The following CLDN14 variants were observed in gnomAD, a reference collection of about 807,000 sequenced individuals.
CLDN14 encodes claudin-14.
Under a neutral mutation model 2.1 loss-of-function variants are expected in CLDN14, and 2 were observed. The ratio of observed to expected loss-of-function variants is 0.96; its 90% CI spans 0.39 to 3.01. The LOEUF (loss-of-function observed/expected upper bound fraction) is 3.01, where lower values mean the gene tolerates loss of function less well. Ranked by LOEUF, CLDN14 falls within the 30% of genes most tolerant of loss-of-function variation. The probability of loss-of-function intolerance (pLI) is 0.09; values close to 1 mark genes in which losing one functional copy is unlikely to be tolerated. For synonymous variants in CLDN14, 136 were observed against 154.4 expected, an observed-to-expected ratio of 0.88 and a Z score of 0.88; for missense variants, 298 against 328.0, an observed-to-expected ratio of 0.91 and a Z score of 0.71.
At chr21:36,554,381 T>A (rs399522) in intron 1 of CLDN14, among the ~76,000 whole-genome samples, 1 of 151,970 alleles carries the variant, frequency 6.6e-6, no homozygotes, top group Non-Finnish European at 1.5e-5. Context: ...AAGAAGGGCT[T>A]GTCCAGGTAC....
intron 2 of CLDN14, among the ~76,000 whole-genome samples, chr21:36,493,875 A>G (rs916454154): frequency 1.3e-5 from 2 of 152,300 alleles, no homozygotes; most frequent in East Asian, 3.9e-4. Flanking sequence ...GAGGGGACCC[A>G]GGATCCTCAT....
chr21:36,494,316 T>C (rs1415614344), intron 2 of CLDN14, among the ~76,000 whole-genome samples: 2 of 152,128 alleles, frequency 1.3e-5, no homozygotes, highest in Non-Finnish European at 2.9e-5. Context: ...TCAAAGAAGC[T>C]TGTTTCAAAC....
At chr21:36,542,723 G>C (rs1174583454) in intron 1 of CLDN14, 1 of 152,256 alleles carries the variant, frequency 6.6e-6, no homozygotes, top group African/African-American at 2.4e-5. Flanking sequence ...GCAGTCCCCG[G>C]AGCGCTGGGG....
intron 1 of CLDN14, among the ~76,000 whole-genome samples, chr21:36,515,748 G>A (rs958648006): frequency 8.7e-5 from 13 of 149,264 alleles, no homozygotes; most frequent in Non-Finnish European, 1.3e-4. Context: ...ATACACACAC[G>A]GCCCACCTGT....
chr21:36,518,716 G>A (rs1457193512), intron 1 of CLDN14, among the ~76,000 whole-genome samples: 2 of 152,158 alleles, frequency 1.3e-5, no homozygotes, highest in South Asian at 2.1e-4. Context: ...TGACCCATTT[G>A]GAAGATGCTA....
intron 1 of CLDN14, among the ~76,000 whole-genome samples, chr21:36,466,749 A>T (rs970858241): frequency 1.3e-5 from 2 of 152,208 alleles, no homozygotes; most frequent in Admixed American, 6.5e-5. Flanking sequence ...GACTTAACTC[A>T]TTCCAGCATT....
chr21:36,508,050 A>ATT (rs1568863438), intron 2 of CLDN14, among the ~76,000 whole-genome samples: 2 of 152,114 alleles, frequency 1.3e-5, no homozygotes, highest in African/African-American at 4.8e-5. Flanking sequence ...AGCCAGGGAG[A>ATT]GCTGGGGAAG....
chr21:36,503,467 T>G (rs532044470), intron 2 of CLDN14, among the ~76,000 whole-genome samples: 1 of 152,230 alleles, frequency 6.6e-6, no homozygotes, highest in Non-Finnish European at 1.5e-5. Context: ...CACGTTGTTC[T>G]CGTGACAGAG....
intron 1 of CLDN14, among the ~76,000 whole-genome samples, chr21:36,517,522 C>G (rs1191048970): frequency 2.0e-5 from 3 of 152,208 alleles, no homozygotes; most frequent in Admixed American, 6.5e-5. Context: ...GTTCTCCAGT[C>G]TGGGCAAACC....
At chr21:36,522,147 C>G (rs2087276069) in intron 1 of CLDN14, among the ~76,000 whole-genome samples, 1 of 152,158 alleles carries the variant, frequency 6.6e-6, no homozygotes, top group Non-Finnish European at 1.5e-5. Flanking sequence ...GGCCCCTGTG[C>G]TTATTATAAA....
chr21:36,487,765 A>T (rs1251384722), intron 2 of CLDN14: 1 of 152,244 alleles, frequency 6.6e-6, no homozygotes, highest in Non-Finnish European at 1.5e-5. Flanking sequence ...CCCGGCACCC[A>T]TCATTTAGCT....
chr21:36,530,888 A>G (rs2087374203), intron 1 of CLDN14, among the ~76,000 whole-genome samples: 1 of 152,236 alleles, frequency 6.6e-6, no homozygotes, highest in Non-Finnish European at 1.5e-5. Context: ...AACAGATTGT[A>G]TTAAAACATA....
chr21:36,472,299 A>T (rs1004974276), intron 1 of CLDN14, among the ~76,000 whole-genome samples: 2 of 152,122 alleles, frequency 1.3e-5, no homozygotes, highest in African/African-American at 4.8e-5. Flanking sequence ...GGCTAGCGGG[A>T]TGTGCTGATG....
intron 1 of CLDN14, among the ~76,000 whole-genome samples, chr21:36,554,730 C>T (rs1242058239): frequency 6.6e-6 from 1 of 152,144 alleles, no homozygotes; most frequent in Non-Finnish European, 1.5e-5. Context: ...ACCGCCCCAC[C>T]ACCCGTTGAT....
intron 1 of CLDN14, among the ~76,000 whole-genome samples, chr21:36,549,151 T>G (rs1194668364): frequency 6.6e-6 from 1 of 152,116 alleles, no homozygotes; most frequent in African/African-American, 2.4e-5. Context: ...TGGTGTTTTT[T>G]TTTTTTTTTA....
chr21:36,559,363 A>C (rs1182507714), intron 1 of CLDN14, among the ~76,000 whole-genome samples: 1 of 151,970 alleles, frequency 6.6e-6, no homozygotes, highest in Non-Finnish European at 1.5e-5. Context: ...CGCCCAGCTA[A>C]TTTTTGTATT....
intron 1 of CLDN14, among the ~76,000 whole-genome samples, chr21:36,528,178 ATAAG>A (rs1363313021): frequency 1.3e-5 from 2 of 152,178 alleles, no homozygotes; most frequent in African/African-American, 4.8e-5. Context: ...ACTGTTAAAG[ATAAG>A]TAAGTAAAAA....
chr21:36,462,552 G>T (rs1331140209), intron 1 of CLDN14, among the ~76,000 whole-genome samples: 4 of 152,104 alleles, frequency 2.6e-5, no homozygotes, highest in African/African-American at 7.2e-5. Flanking sequence ...CCTTTCAAAG[G>T]CTTTTAAAGA....
chr21:36,539,833 AGT>A (rs984007615), intron 1 of CLDN14, among the ~76,000 whole-genome samples: 3 of 140,386 alleles, frequency 2.1e-5, no homozygotes, highest in African/African-American at 8.1e-5. Context: ...ATGTCTGCAG[AGT>A]GAGTGTGTGT....
Sources: gnomAD v4.1 joint callset for allele counts (sites outside exome capture counted in the v4.1 genomes callset) on GRCh38, gnomAD v4.1.1 for gene constraint, MANE v1.5 for transcripts, NCBI Gene and HGNC (gene_info 2026-07-23, HGNC 2026-07-21) for gene names.